The following CSMD1 variants were observed in gnomAD, a reference collection of about 807,000 sequenced individuals.
CSMD1 encodes the protein CUB and sushi domain-containing protein 1.
Under a neutral mutation model 417.5 loss-of-function variants are expected in CSMD1, and 213 were observed. The observed-to-expected ratio is 0.51, with a 90% CI of 0.46 to 0.57. The LOEUF (loss-of-function observed/expected upper bound fraction) is 0.57. Ranked by LOEUF, CSMD1 falls within the 20% of genes least tolerant of loss-of-function variation. The pLI is 0.00. For synonymous variants in CSMD1, 2,862 were observed against 1,736.8 expected (o/e 1.65, Z -16.11); for missense variants, 6,923 against 4,529.7 (o/e 1.53, Z -15.17).
At chr8:4,227,533 C>A (rs577672906) in intron 3 of CSMD1, among the ~76,000 whole-genome samples, 1 of 152,064 alleles carries the variant, frequency 6.6e-6, no homozygotes, top group East Asian at 1.9e-4. Context: ...ATAGACCTAA[C>A]TGAGAAGCAG....
intron 3 of CSMD1, among the ~76,000 whole-genome samples, chr8:4,067,245 G>A (rs1031334911): frequency 6.6e-6 from 1 of 152,170 alleles, no homozygotes; most frequent in Admixed American, 6.5e-5. Flanking sequence ...GTTCAAGACA[G>A]ATAATTATGA....
At chr8:3,259,206 C>T (rs575903983) in intron 26 of CSMD1, among the ~76,000 whole-genome samples, 1 of 152,188 alleles carries the variant, frequency 6.6e-6, no homozygotes, top group South Asian at 2.1e-4. Context: ...AACAAAGACA[C>T]CTAAATAATC....
chr8:4,658,930 C>G (rs1264982287), intron 1 of CSMD1, among the ~76,000 whole-genome samples: 1 of 152,052 alleles, frequency 6.6e-6, no homozygotes, highest in Non-Finnish European at 1.5e-5. Context: ...ATTAATAGAA[C>G]TAGATTGTTA....
intron 25 of CSMD1, among the ~76,000 whole-genome samples, chr8:3,299,554 A>C (rs1804232393): frequency 1.0e-5 from 1 of 97,622 alleles, no homozygotes; most frequent in African/African-American, 3.6e-5. Flanking sequence ...ACAGTGTCCC[A>C]AGGTCTGGCA....
chr8:4,676,742 GC>G (rs1405549440), intron 1 of CSMD1, among the ~76,000 whole-genome samples: 2 of 151,830 alleles, frequency 1.3e-5, no homozygotes, highest in Non-Finnish European at 2.9e-5. Context: ...CAGCCCTCCT[GC>G]CCTTAGTTTG....
At chr8:4,331,019 A>C (rs888888996) in intron 3 of CSMD1, among the ~76,000 whole-genome samples, 1 of 152,176 alleles carries the variant, frequency 6.6e-6, no homozygotes, top group Non-Finnish European at 1.5e-5. Context: ...TTCTTAGTGC[A>C]TTATCTTACA....
intron 3 of CSMD1, among the ~76,000 whole-genome samples, chr8:4,337,831 A>G (rs1563070033): frequency 6.6e-6 from 1 of 152,192 alleles, no homozygotes; most frequent in Non-Finnish European, 1.5e-5. Flanking sequence ...AGGTAATTAT[A>G]AAACTTCTTG....
chr8:4,028,925 A>C (rs764135335), intron 4 of CSMD1, among the ~76,000 whole-genome samples: 27 of 152,204 alleles, frequency 1.8e-4, no homozygotes, highest in Non-Finnish European at 3.1e-4. Flanking sequence ...AAGTCATTGG[A>C]ACAGTAAAAT....
chr8:3,435,887 T>C (rs1471267161), intron 12 of CSMD1, among the ~76,000 whole-genome samples: 1 of 152,244 alleles, frequency 6.6e-6, no homozygotes, highest in African/African-American at 2.4e-5. Flanking sequence ...ACTGGAAAGA[T>C]CTTCCCCTTG....
chr8:4,441,261 T>G (rs74511115), intron 2 of CSMD1, among the ~76,000 whole-genome samples: 7 of 41,764 alleles, frequency 1.7e-4, no homozygotes, highest in Non-Finnish European at 2.5e-4. Flanking sequence ...CTACACTCAG[T>G]TTTTTTTTTT....
chr8:3,822,280 G>T (rs1033377659), intron 5 of CSMD1, among the ~76,000 whole-genome samples: 2 of 152,078 alleles, frequency 1.3e-5, no homozygotes, highest in African/African-American at 4.8e-5. Context: ...ATTTACCCTT[G>T]TAAGAGCTTG....
intron 49 of CSMD1, among the ~76,000 whole-genome samples, chr8:3,064,324 T>C (rs551359303): frequency 3.3e-5 from 5 of 152,100 alleles, no homozygotes; most frequent in Admixed American, 3.3e-4. Flanking sequence ...TGATGGTGAG[T>C]GAGTTCTCAG....
intron 10 of CSMD1, among the ~76,000 whole-genome samples, chr8:3,507,839 T>G (rs573833091): frequency 6.6e-6 from 1 of 152,320 alleles, no homozygotes; most frequent in African/African-American, 2.4e-5. Flanking sequence ...CTTTGCCCAC[T>G]TTTTGATGGG....
At chr8:4,145,915 G>A (rs192823208) in intron 3 of CSMD1, among the ~76,000 whole-genome samples, 1 of 151,048 alleles carries the variant, frequency 6.6e-6, no homozygotes, top group Non-Finnish European at 1.5e-5. Flanking sequence ...CTTGGCACAT[G>A]ATTGGCCCCA....
In CSMD1 at chr8:3,118,413, A is replaced by G. The variant is rs1816990039; in HGVS notation, c.6416T>C (p.Phe2139Ser). 1 of 1,612,696 alleles carries G rather than the reference A, an allele frequency of 6.2e-7. No homozygotes were observed. Among genetic ancestry groups the G allele is most frequent in the Non-Finnish European group, 8.5e-7 (1 of 1,179,302 alleles). ...HGINRNWNYP[F>S]PRCDAPCGYN... ...GATGAACTTACCATCACATCTTGGA[A>G]AAGGGTAGTTCCAGTTTCTGTTGAT... The change falls in exon 42 of 70, where the codon TTT becomes TCT. Residue 2139 changes from phenylalanine to serine, a missense_variant. Transcript: ENST00000635120.
chr8:4,560,214 G>C (rs546855371), intron 2 of CSMD1, among the ~76,000 whole-genome samples: 1 of 152,214 alleles, frequency 6.6e-6, no homozygotes, highest in Non-Finnish European at 1.5e-5. Context: ...CAGCAGCAAA[G>C]CTAAGAAGCC....
chr8:4,391,522 C>G (rs1225312924), intron 3 of CSMD1, among the ~76,000 whole-genome samples: 2 of 152,070 alleles, frequency 1.3e-5, no homozygotes, highest in African/African-American at 4.8e-5. Context: ...GAGACCAAGC[C>G]ACAACCACTG....
intron 4 of CSMD1, among the ~76,000 whole-genome samples, chr8:4,023,753 A>ATTTTTTTTTTTTTTTTTTTTT (rs760333220): frequency 6.0e-5 from 3 of 50,100 alleles, no homozygotes; most frequent in African/African-American, 8.7e-5. Context: ...CGCTCGGCTA[A>ATTTTTTTTTTTTTTTTTTTTT]TTTTTTTTTT....
chr8:3,240,319 T>C (rs1216808692), intron 26 of CSMD1, among the ~76,000 whole-genome samples: 1 of 152,068 alleles, frequency 6.6e-6, no homozygotes, highest in Non-Finnish European at 1.5e-5. Flanking sequence ...ACTTAGGATC[T>C]ATGGGGTCAG....
Sources: allele counts gnomAD v4.1 joint callset (sites outside exome capture counted in the v4.1 genomes callset), GRCh38; gene constraint gnomAD v4.1.1; transcripts MANE v1.5; gene names NCBI Gene and HGNC (gene_info 2026-07-23, HGNC 2026-07-21).